GABRB1: variants seen among roughly 807,000 people sequenced by gnomAD.
GABRB1 encodes the protein gamma-aminobutyric acid type A receptor subunit beta1.
In GABRB1, 17 loss-of-function variants were observed where a neutral mutation model predicts 51.6. The observed-to-expected ratio is 0.33, with a 90% CI of 0.23 to 0.49. GABRB1 has a LOEUF of 0.49. Among genes scored for constraint, GABRB1 ranks in the 20% least tolerant of loss-of-function variants. GABRB1 has a pLI of 0.99. For synonymous variants in GABRB1, 247 were observed against 218.9 expected (o/e 1.13, Z -1.14); for missense variants, 410 against 600.6 (o/e 0.68, Z 3.32).
chr4:47,120,339 G>A (rs1715720981), intron 3 of GABRB1, among the ~76,000 whole-genome samples: 2 of 152,132 alleles, frequency 1.3e-5, no homozygotes, highest in South Asian at 4.1e-4. Context: ...TTTCCAGACA[G>A]AAAATCAACA....
chr4:47,002,657 A>G (rs1252186937), intron 1 of GABRB1, among the ~76,000 whole-genome samples: 1 of 152,186 alleles, frequency 6.6e-6, no homozygotes, highest in African/African-American at 2.4e-5. Context: ...TGATTAAAGT[A>G]TCATAGATAT....
intron 3 of GABRB1, among the ~76,000 whole-genome samples, chr4:47,047,465 A>T (rs1726148434): frequency 6.6e-6 from 1 of 152,180 alleles, no homozygotes; most frequent in South Asian, 2.1e-4. Flanking sequence ...GCCCAAAGTT[A>T]TATAACAAGT....
At chr4:47,044,298 C>T (rs1725989804) in intron 3 of GABRB1, among the ~76,000 whole-genome samples, 1 of 152,014 alleles carries the variant, frequency 6.6e-6, no homozygotes, top group Admixed American at 6.6e-5. Context: ...GGGCAGTATA[C>T]ACCAACAATC....
intron 5 of GABRB1, among the ~76,000 whole-genome samples, chr4:47,355,291 A>G (rs1157509024): frequency 6.6e-6 from 1 of 151,818 alleles, no homozygotes; most frequent in Non-Finnish European, 1.5e-5. Flanking sequence ...TAGTCATATC[A>G]TCTTGAAACT....
intron 8 of GABRB1, among the ~76,000 whole-genome samples, chr4:47,412,371 T>C (rs980591371): frequency 1.3e-5 from 2 of 152,200 alleles, no homozygotes; most frequent in Admixed American, 6.6e-5. Flanking sequence ...TGTTACACTA[T>C]GTTTTATAAA....
intron 4 of GABRB1, among the ~76,000 whole-genome samples, chr4:47,181,900 C>A (rs963756811): frequency 2.0e-5 from 3 of 151,992 alleles, no homozygotes; most frequent in African/African-American, 7.2e-5. Context: ...CCCCAAACTT[C>A]TAGCGGGGAG....
At chr4:47,157,369 A>G (rs1158450905) in intron 3 of GABRB1, among the ~76,000 whole-genome samples, 1 of 152,134 alleles carries the variant, frequency 6.6e-6, no homozygotes, top group Non-Finnish European at 1.5e-5. Context: ...CTTGTTGTGT[A>G]AGAGAACAAA....
chr4:46,994,717 C>T lies in GABRB1; in HGVS notation c.-20+791C>T, dbSNP rs536974388. 7.2e-5 allele frequency among the ~76,000 whole-genome samples: 11 copies of T among 152,208 alleles called. No individual in the cohort carries two copies. In the South Asian group the frequency reaches 2.3e-3, roughly 32 times the overall value. On this transcript the variant is annotated intron_variant, in intron 1 of 3. Coordinates refer to the GABRB1 transcript ENST00000513567. ...AATTATTGGCTCCAAGGGGGAAAAG[C>T]GTCTTTCAAATTAGTAATGATGCAT...
intron 4 of GABRB1, among the ~76,000 whole-genome samples, chr4:47,282,321 G>C (rs1409267342): frequency 6.6e-6 from 1 of 152,114 alleles, no homozygotes; most frequent in Non-Finnish European, 1.5e-5. Context: ...AGCTCTCTCT[G>C]TTATACCTGT....
intron 8 of GABRB1, among the ~76,000 whole-genome samples, chr4:47,410,287 T>C (rs2110058631): frequency 6.6e-6 from 1 of 152,162 alleles, no homozygotes; most frequent in Non-Finnish European, 1.5e-5. Flanking sequence ...CAGGGCAGAG[T>C]ACTTTGTATC....
At chr4:47,353,722 C>T (rs1452578710) in intron 5 of GABRB1, among the ~76,000 whole-genome samples, 1 of 152,126 alleles carries the variant, frequency 6.6e-6, no homozygotes, top group Non-Finnish European at 1.5e-5. Context: ...TTTCCAAAGC[C>T]TATTATAAAA....
chr4:47,348,784 G>T (rs948664052), intron 5 of GABRB1, among the ~76,000 whole-genome samples: 30 of 152,176 alleles, frequency 2.0e-4, no homozygotes, highest in East Asian at 1.5e-3. Context: ...CTGTGGTATG[G>T]AAAATGGATT....
chr4:46,994,359 G>T (rs1432221422), intron 1 of GABRB1: 1 of 151,542 alleles, frequency 6.6e-6, no homozygotes, highest in Non-Finnish European at 1.5e-5. Flanking sequence ...CACTTCTTGC[G>T]ACACTCTTCT....
At chr4:47,254,137 A>G (rs1022179355) in intron 4 of GABRB1, among the ~76,000 whole-genome samples, 1 of 152,162 alleles carries the variant, frequency 6.6e-6, no homozygotes, top group African/African-American at 2.4e-5. Context: ...AATTATGCCC[A>G]CTACACACAA....
intron 3 of GABRB1, among the ~76,000 whole-genome samples, chr4:47,158,938 A>T (rs1717818739): frequency 6.6e-6 from 1 of 151,988 alleles, no homozygotes; most frequent in South Asian, 2.1e-4. Flanking sequence ...TAATTTTCTC[A>T]ATTGATGCTC....
intron 4 of GABRB1, among the ~76,000 whole-genome samples, chr4:47,198,675 T>C (rs575173553): frequency 2.0e-4 from 31 of 152,154 alleles, no homozygotes; most frequent in Non-Finnish European, 3.1e-4. Flanking sequence ...AGGAGGAAAG[T>C]AAAATATGCA....
intron 8 of GABRB1, among the ~76,000 whole-genome samples, chr4:47,407,541 A>G (rs1207916134): frequency 6.6e-6 from 1 of 152,226 alleles, no homozygotes; most frequent in Non-Finnish European, 1.5e-5. Context: ...TTCTTTAAAA[A>G]CATCTCTGTA....
intron 4 of GABRB1, among the ~76,000 whole-genome samples, chr4:47,247,674 G>T (rs750834764): frequency 6.6e-6 from 1 of 151,808 alleles, no homozygotes; most frequent in Non-Finnish European, 1.5e-5. Context: ...GTTTCCGTTC[G>T]TGTCATCTAT....
chr4:47,043,207 G>A (rs1725934425), intron 3 of GABRB1: 1 of 152,108 alleles, frequency 6.6e-6, no homozygotes, highest in Non-Finnish European at 1.5e-5. Flanking sequence ...CTGTCTTCAT[G>A]TGGGGAGAAC....
Sources: allele counts gnomAD v4.1 joint callset (sites outside exome capture counted in the v4.1 genomes callset), GRCh38; gene constraint gnomAD v4.1.1; transcripts MANE v1.5; gene names NCBI Gene and HGNC (gene_info 2026-07-23, HGNC 2026-07-21).